CAMK4: variants seen among roughly 807,000 people sequenced by gnomAD.
CAMK4 encodes calcium/calmodulin-dependent protein kinase type IV.
CAMK4 carries 22 observed loss-of-function variants against 44.9 expected under a neutral mutation model. The ratio of observed to expected loss-of-function variants is 0.49; its 90% CI spans 0.35 to 0.70. The LOEUF (loss-of-function observed/expected upper bound fraction) is 0.70, where lower values mean the gene tolerates loss of function less well. Among genes scored for constraint, CAMK4 ranks in the 30% least tolerant of loss-of-function variants. The pLI is 0.01. For synonymous variants in CAMK4, 218 were observed against 215.4 expected (o/e 1.01, Z -0.11); for missense variants, 498 against 586.8 (o/e 0.85, Z 1.56).
chr5:111,473,264 A>G (rs757208276), intron 7 of CAMK4, 47 bp from the exon 8 acceptor site: 4 of 1,176,788 alleles, frequency 3.4e-6, no homozygotes. Flanking sequence ...TTAAAATATA[A>G]ATATTGACTA....
At chr5:111,399,115 C>T (rs1054925059) in intron 5 of CAMK4, among the ~76,000 whole-genome samples, 3 of 152,132 alleles carry the variant, frequency 2.0e-5, no homozygotes, top group African/African-American at 7.2e-5. Flanking sequence ...CTTAACATAT[C>T]GTAGGATGTC....
intron 1 of CAMK4, among the ~76,000 whole-genome samples, chr5:111,322,416 A>G (rs1748702160): frequency 6.6e-6 from 1 of 152,140 alleles, no homozygotes; most frequent in Admixed American, 6.6e-5. Context: ...ATGACACAGA[A>G]TCAATATCAA....
At chr5:111,451,392 G>T (rs913352158) in intron 7 of CAMK4, among the ~76,000 whole-genome samples, 11 of 151,776 alleles carry the variant, frequency 7.2e-5, no homozygotes, top group African/African-American at 2.2e-4. Context: ...TTGCCTCCCG[G>T]GTTCAATTGA....
In CAMK4 at chr5:111,379,254, A is replaced by C. The variant is rs577296042; in HGVS notation, c.386+2312A>C. On this transcript the variant is annotated intron_variant, in intron 4 of 10. Coordinates refer to ENST00000282356, the MANE Select transcript of CAMK4 (RefSeq NM_001744.6). ...CTCTATTGGCTTGAGTTAATTGGGA[A>C]TCATGGGTTTCTCCTTCTCTTCTTC... Among the ~76,000 whole-genome samples, 3 of 152,276 alleles carry C rather than the reference A, an allele frequency of 2.0e-5. No individual in the cohort carries two copies. In the East Asian group the frequency reaches 5.8e-4, roughly 29 times the overall value.
intron 5 of CAMK4, among the ~76,000 whole-genome samples, chr5:111,434,814 A>G (rs115453042): frequency 6.8e-4 from 103 of 152,304 alleles, no homozygotes; most frequent in Admixed American, 1.3e-3. Flanking sequence ...AAATTCATGT[A>G]GTTTAATTTT....
In CAMK4 at chr5:111,355,416, ATTG is replaced by A. The variant is rs912751518; in HGVS notation, c.240+11317_240+11319del. Reference sequence around the variant, plus strand: ...GAAAGTCAGAACATTCTTCCAGAGCATTGTTATGATTTGATGCATTTTCTTTAT... The same window carrying A: ...GAAAGTCAGAACATTCTTCCAGAGCATTATGATTTGATGCATTTTCTTTAT... On this transcript the variant is annotated intron_variant, in intron 2 of 10. Coordinates refer to ENST00000282356, the MANE Select transcript of CAMK4 (RefSeq NM_001744.6). Among the ~76,000 whole-genome samples, 124 of 152,168 alleles carry A rather than the reference ATTG, an allele frequency of 8.1e-4. 1 individual carries two copies. The highest frequency in any genetic ancestry group is 2.8e-3 in the African/African-American group (117 of 41,558).
At chr5:111,325,009 C>A (rs1402135099) in intron 1 of CAMK4, among the ~76,000 whole-genome samples, 1 of 151,736 alleles carries the variant, frequency 6.6e-6, no homozygotes, top group African/African-American at 2.4e-5. Flanking sequence ...TTCCCCCAAC[C>A]CCCCAACAGG....
At chr5:111,314,404 A>G (rs911024972) in intron 1 of CAMK4, among the ~76,000 whole-genome samples, 5 of 152,076 alleles carry the variant, frequency 3.3e-5, no homozygotes, top group Non-Finnish European at 4.4e-5. Flanking sequence ...TAAAGCACAT[A>G]TTACAACAGA....
chr5:111,273,747 TCACA>T (rs1284090067), intron 1 of CAMK4, among the ~76,000 whole-genome samples: 1 of 89,726 alleles, frequency 1.1e-5, no homozygotes, highest in Non-Finnish European at 2.5e-5. Context: ...ACACACACGC[TCACA>T]CACACATACA....
Position 111,300,585 on chromosome 5 carries a change from C to A in CAMK4, c.162-43439C>A, listed in dbSNP as rs182977750. Among the ~76,000 whole-genome samples the A allele has an allele frequency of 1.7e-3, 255 of 152,178 alleles. 3 individuals carry two copies. The highest frequency in any genetic ancestry group is 8.0e-3 in the Admixed American group (122 of 15,290). On this transcript the variant is annotated intron_variant, in intron 1 of 10. Coordinates refer to ENST00000282356, the MANE Select transcript of CAMK4 (RefSeq NM_001744.6). ...CTTCAGACATTACAGTGATAGATGT[C>A]ATGGATAAGTAGCTGAAGAAAATAA...
chr5:111,242,360 T>C (rs1051264668), intron 1 of CAMK4, among the ~76,000 whole-genome samples: 2 of 152,210 alleles, frequency 1.3e-5, no homozygotes, highest in Non-Finnish European at 2.9e-5. Context: ...TAAAGTTCCT[T>C]GGCATCGTAC....
At chr5:111,354,132 G>A (rs1395488291) in intron 2 of CAMK4, among the ~76,000 whole-genome samples, 2 of 152,056 alleles carry the variant, frequency 1.3e-5, no homozygotes, top group African/African-American at 2.4e-5. Context: ...TGCCAATTGC[G>A]ACAACATGAA....
intron 1 of CAMK4, among the ~76,000 whole-genome samples, chr5:111,289,073 G>C (rs1220807420): frequency 6.6e-6 from 1 of 152,198 alleles, no homozygotes; most frequent in Non-Finnish European, 1.5e-5. Context: ...TGGGCTGGGT[G>C]TGGTGGCTCA....
intron 5 of CAMK4, among the ~76,000 whole-genome samples, chr5:111,437,331 A>G (rs528056470): frequency 6.6e-6 from 1 of 152,244 alleles, no homozygotes; most frequent in Non-Finnish European, 1.5e-5. Context: ...CCTTTTGACT[A>G]TAAGTTTGTG....
chr5:111,480,923 C>G (rs1755414373), intron 9 of CAMK4, among the ~76,000 whole-genome samples: 1 of 152,132 alleles, frequency 6.6e-6, no homozygotes, highest in Admixed American at 6.5e-5. Flanking sequence ...AACTTCAGAA[C>G]TGGAAGAATC....
chr5:111,469,797 G>T (rs1754999509), intron 7 of CAMK4, among the ~76,000 whole-genome samples: 1 of 152,176 alleles, frequency 6.6e-6, no homozygotes, highest in Admixed American at 6.5e-5. Context: ...CTTGTTGAAT[G>T]ATCAGTAACA....
intron 1 of CAMK4, among the ~76,000 whole-genome samples, chr5:111,291,185 A>G (rs572992621): frequency 9.2e-4 from 140 of 152,308 alleles, no homozygotes; most frequent in African/African-American, 2.8e-3. Context: ...AAAAATCTCA[A>G]TGTTAACACT....
intron 2 of CAMK4, among the ~76,000 whole-genome samples, chr5:111,357,718 T>C (rs905379214): frequency 6.6e-6 from 1 of 152,080 alleles, no homozygotes; most frequent in Non-Finnish European, 1.5e-5. Context: ...AATTAAGTAC[T>C]CACAACTCAC....
chr5:111,355,576 T>C (rs1319775307), intron 2 of CAMK4, among the ~76,000 whole-genome samples: 2 of 149,536 alleles, frequency 1.3e-5, no homozygotes, highest in Non-Finnish European at 3.0e-5. Flanking sequence ...TATGTATACA[T>C]GTGCCATGCT....
Sources: gnomAD v4.1 joint callset for allele counts (sites outside exome capture counted in the v4.1 genomes callset) on GRCh38, gnomAD v4.1.1 for gene constraint, MANE v1.5 for transcripts, NCBI Gene and HGNC (gene_info 2026-07-23, HGNC 2026-07-21) for gene names.